Variants in MTHFS observed in about 807,000 individuals in gnomAD.
MTHFS encodes 5-formyltetrahydrofolate cyclo-ligase.
A neutral mutation model predicts 12.7 loss-of-function variants in MTHFS; 7 were observed. That is an observed-to-expected ratio of 0.55 (90% CI 0.31 to 1.03). The LOEUF (loss-of-function observed/expected upper bound fraction) is 1.03, where lower values mean the gene tolerates loss of function less well. Ranked by LOEUF, MTHFS falls within the 50% of genes least tolerant of loss-of-function variation. The pLI is 0.05. For synonymous variants in MTHFS, 100 were observed against 97.1 expected (o/e 1.03, Z -0.18); for missense variants, 252 against 258.1 (o/e 0.98, Z 0.16).
chr15:79,897,052 GC>G, upstream of MTHFS: 2 of 1,432,318 alleles, frequency 1.4e-6, no homozygotes, highest in Admixed American at 2.5e-5. Context: ...TTCGGTCTCC[GC>G]CCCTGGCCGC....
At chr15:79,853,988 T>C (rs2033758316) in intron 2 of MTHFS, among the ~76,000 whole-genome samples, 1 of 152,226 alleles carries the variant, frequency 6.6e-6, no homozygotes, top group South Asian at 2.1e-4. Flanking sequence ...AACAAGATGA[T>C]GTAATTTGCC....
At chr15:79,852,193 C>CA (rs1187649518) in intron 2 of MTHFS, among the ~76,000 whole-genome samples, 1 of 152,088 alleles carries the variant, frequency 6.6e-6, no homozygotes, top group Non-Finnish European at 1.5e-5. Context: ...GCAGAACTGT[C>CA]AAAAATCAAT....
intron 1 of MTHFS, among the ~76,000 whole-genome samples, chr15:79,890,386 T>C (rs542341810): frequency 6.6e-6 from 1 of 151,902 alleles, no homozygotes; most frequent in Admixed American, 6.6e-5. Context: ...AACCACCATG[T>C]CCGGCTGATT....
intron 2 of MTHFS, among the ~76,000 whole-genome samples, chr15:79,867,581 A>C (rs1197353624): frequency 6.6e-6 from 1 of 152,024 alleles, no homozygotes; most frequent in African/African-American, 2.4e-5. Flanking sequence ...TAGATAAATG[A>C]AAAAATAGAA....
intron 2 of MTHFS, among the ~76,000 whole-genome samples, chr15:79,857,799 G>A (rs930659024): frequency 7.9e-5 from 12 of 151,758 alleles, no homozygotes; most frequent in Admixed American, 1.3e-4. Flanking sequence ...GACAGATCAC[G>A]AGGTCAGGAG....
chr15:79,878,869 T>C (rs1188118742), intron 2 of MTHFS, among the ~76,000 whole-genome samples: 1 of 151,136 alleles, frequency 6.6e-6, no homozygotes, highest in Non-Finnish European at 1.5e-5. Context: ...CCCTTTTTTT[T>C]TTTCTTTCTT....
At chr15:79,885,108 A>G (rs1182290721) in intron 2 of MTHFS, among the ~76,000 whole-genome samples, 1 of 152,204 alleles carries the variant, frequency 6.6e-6, no homozygotes, top group African/African-American at 2.4e-5. Flanking sequence ...CAACCCTAAC[A>G]AAGAAAGAAA....
At chr15:79,889,974 G>A (rs979819185) in intron 1 of MTHFS, among the ~76,000 whole-genome samples, 3 of 152,014 alleles carry the variant, frequency 2.0e-5, no homozygotes, top group Admixed American at 2.0e-4. Flanking sequence ...AGTTCTCTGA[G>A]GCAGAGAACA....
At chr15:79,892,736 A>C (rs2034495010) in intron 1 of MTHFS, among the ~76,000 whole-genome samples, 1 of 152,078 alleles carries the variant, frequency 6.6e-6, no homozygotes, top group Non-Finnish European at 1.5e-5. Flanking sequence ...GTGGATCATG[A>C]GGTCAAGAGG....
At chr15:79,851,026 G>A (rs892040387) in intron 2 of MTHFS, among the ~76,000 whole-genome samples, 2 of 152,120 alleles carry the variant, frequency 1.3e-5, no homozygotes, top group Non-Finnish European at 2.9e-5. Context: ...TGTCTTTACT[G>A]TAATACTGAA....
In MTHFS at chr15:79,845,029, T is replaced by G; in HGVS notation, c.*181A>C. Reference sequence around the variant, plus strand: ...TCCATTTTAATTAATATTCTACTATTCACACTTCTATTGGTTTTTAAAGAT... The same window carrying G: ...TCCATTTTAATTAATATTCTACTATGCACACTTCTATTGGTTTTTAAAGAT... On this transcript the variant is annotated 3_prime_UTR_variant, in exon 3 of 3. Coordinates refer to ENST00000258874, the MANE Select transcript of MTHFS (RefSeq NM_006441.4). 1.2e-6 allele frequency: 1 copy of G among 824,356 alleles called. No individual in the cohort carries two copies. The highest frequency in any genetic ancestry group is 2.7e-5 in the East Asian group (1 of 36,762). The allele number at this position is 824,356 out of a possible 1,614,324, so 51.1% of individuals were successfully genotyped here.
chr15:79,880,129 G>T (rs753369044), intron 2 of MTHFS, among the ~76,000 whole-genome samples: 1 of 151,622 alleles, frequency 6.6e-6, no homozygotes, highest in South Asian at 2.1e-4. Context: ...GAGTGCAGTG[G>T]CATGATCTCA....
At chr15:79,879,987 A>G (rs950982498) in intron 2 of MTHFS, among the ~76,000 whole-genome samples, 4 of 152,206 alleles carry the variant, frequency 2.6e-5, no homozygotes, top group African/African-American at 9.6e-5. Flanking sequence ...GCAGTTAGGA[A>G]GATATTTTTT....
chr15:79,859,547 A>G (rs1379138241), intron 2 of MTHFS, among the ~76,000 whole-genome samples: 1 of 152,192 alleles, frequency 6.6e-6, no homozygotes, highest in Non-Finnish European at 1.5e-5. Context: ...GCCAGGGGCA[A>G]TGGCTCATGC....
intron 1 of MTHFS, among the ~76,000 whole-genome samples, chr15:79,894,768 C>T (rs2034537489): frequency 6.6e-6 from 1 of 152,128 alleles, no homozygotes; most frequent in African/African-American, 2.4e-5. Flanking sequence ...ACTGGTGACT[C>T]TCCTCCCCTT....
At chr15:79,852,975 G>T (rs938040910) in intron 2 of MTHFS, among the ~76,000 whole-genome samples, 2 of 152,156 alleles carry the variant, frequency 1.3e-5, no homozygotes, top group Admixed American at 6.5e-5. Context: ...TAGTGACTTG[G>T]CTGCTGAAGA....
At chr15:79,891,960 T>C (rs1484346265) in intron 1 of MTHFS, among the ~76,000 whole-genome samples, 7 of 26,392 alleles carry the variant, frequency 2.7e-4, no homozygotes, top group African/African-American at 4.1e-4. Flanking sequence ...TGAAACTCCA[T>C]CTCAAAAAAA....
Position 79,854,752 on chromosome 15 carries a change from T to C in MTHFS, c.380-9310A>G, listed in dbSNP as rs917534909. ...ACATGCTATTTTCTTAAGTATGTTTTTTATATCTTAAGCCTACTACGTTGT... is the reference window on the plus strand; with the variant it reads ...ACATGCTATTTTCTTAAGTATGTTTCTTATATCTTAAGCCTACTACGTTGT... On this transcript the variant is annotated intron_variant, in intron 2 of 2. Coordinates refer to ENST00000258874, the MANE Select transcript of MTHFS (RefSeq NM_006441.4). Among the ~76,000 whole-genome samples, 14 of 152,370 alleles carry C rather than the reference T, an allele frequency of 9.2e-5. 1 individual carries two copies. The highest frequency in any genetic ancestry group is 1.9e-4 in the African/African-American group (8 of 41,590).
chr15:79,845,716 C>A (rs1205607390), intron 2 of MTHFS, among the ~76,000 whole-genome samples: 1 of 152,150 alleles, frequency 6.6e-6, no homozygotes, highest in Non-Finnish European at 1.5e-5. Context: ...TAGTTAAATA[C>A]AGAGAATCTC....
Sources: allele counts gnomAD v4.1 joint callset (sites outside exome capture counted in the v4.1 genomes callset), GRCh38; gene constraint gnomAD v4.1.1; transcripts MANE v1.5; gene names NCBI Gene and HGNC (gene_info 2026-07-23, HGNC 2026-07-21).